The following APP variants were observed in gnomAD, a reference collection of about 807,000 sequenced individuals.
APP encodes amyloid beta precursor protein, also known as amyloid-beta precursor protein.
APP carries 31 observed loss-of-function variants against 101.4 expected under a neutral mutation model. The ratio of observed to expected loss-of-function variants is 0.31; its 90% CI spans 0.23 to 0.41. The LOEUF (loss-of-function observed/expected upper bound fraction) is 0.41. Among genes scored for constraint, APP ranks in the 10% least tolerant of loss-of-function variants. The pLI is 1.00. For missense variants in APP, 839 were observed against 1,003.7 expected, an observed-to-expected ratio of 0.84 and a Z score of 2.22; for synonymous variants, 366 against 364.4, an observed-to-expected ratio of 1.00 and a Z score of -0.05.
At chr21:26,131,598 C>A (rs762935320) in intron 1 of APP, among the ~76,000 whole-genome samples, 2 of 152,108 alleles carry the variant, frequency 1.3e-5, no homozygotes, top group East Asian at 3.8e-4. Context: ...GCATTGATAG[C>A]CAAATGACCA....
chr21:26,154,296 T>C (rs545541652), intron 1 of APP, among the ~76,000 whole-genome samples: 1 of 152,276 alleles, frequency 6.6e-6, no homozygotes, highest in East Asian at 1.9e-4. Context: ...CAATAAAATG[T>C]GTAAGGTAAT....
intron 1 of APP, among the ~76,000 whole-genome samples, chr21:26,128,249 ACTAT>A (rs941896421): frequency 1.3e-5 from 2 of 152,150 alleles, no homozygotes; most frequent in Non-Finnish European, 2.9e-5. Flanking sequence ...GTATTTTTAA[ACTAT>A]CTAAGATATT....
chr21:26,150,353 G>A (rs2063239542), intron 1 of APP, among the ~76,000 whole-genome samples: 1 of 152,162 alleles, frequency 6.6e-6, no homozygotes, highest in East Asian at 1.9e-4. Flanking sequence ...GGGATGGAGA[G>A]GGGAAGGAGG....
chr21:25,900,264 G>A (rs998555688), intron 15 of APP, among the ~76,000 whole-genome samples: 6 of 151,830 alleles, frequency 4.0e-5, no homozygotes, highest in Non-Finnish European at 5.9e-5. Flanking sequence ...CAAGCACGGT[G>A]GCTCACGCCT....
In APP at chr21:26,084,025, G is replaced by A. The variant is rs973026807; in HGVS notation, c.355+5918C>T. 5.3e-5 allele frequency among the ~76,000 whole-genome samples: 8 copies of A among 152,084 alleles called. No homozygotes were observed. The East Asian group carries it at 1.2e-3, about 22-fold the overall frequency. On this transcript the variant is annotated intron_variant, in intron 3 of 17. Transcript: ENST00000346798. ...AATGAAAAGAAACAAAACTGGAAAC[G>A]GAGCCAAGAAACACCACTACGCTTC... is the stretch of plus-strand genomic sequence containing the variant.
At chr21:25,996,235 T>C (rs889765246) in intron 8 of APP, among the ~76,000 whole-genome samples, 7 of 152,212 alleles carry the variant, frequency 4.6e-5, no homozygotes, top group African/African-American at 1.7e-4. Context: ...GGAGGCTCTT[T>C]CTCTACTTCC....
intron 3 of APP, chr21:26,089,490 T>C (rs913847799): frequency 1.3e-5 from 2 of 150,618 alleles, no homozygotes; most frequent in Admixed American, 6.7e-5. Context: ...GGAGTAGTTA[T>C]TGTAGAACAG....
chr21:25,926,317 G>C (rs1168203264), intron 13 of APP, among the ~76,000 whole-genome samples: 1 of 152,202 alleles, frequency 6.6e-6, no homozygotes, highest in African/African-American at 2.4e-5. Context: ...ATATACTAAA[G>C]AAGCATGGAC....
intron 3 of APP, chr21:26,068,278 G>C (rs2046537704): frequency 1.3e-5 from 2 of 151,838 alleles, no homozygotes; most frequent in Admixed American, 6.6e-5. Flanking sequence ...CCAACAATCT[G>C]CAACTCTTCT....
At chr21:26,032,523 A>C (rs573055663) in intron 5 of APP, among the ~76,000 whole-genome samples, 1 of 152,302 alleles carries the variant, frequency 6.6e-6, no homozygotes, top group South Asian at 2.1e-4. Context: ...CATGTCACTT[A>C]GGCTGCTGTG....
intron 3 of APP, among the ~76,000 whole-genome samples, chr21:26,057,973 G>A (rs544541913): frequency 2.6e-5 from 4 of 152,262 alleles, no homozygotes; most frequent in South Asian, 4.1e-4. Flanking sequence ...TGCAGTCAGC[G>A]GCAGAGAATA....
At chr21:26,130,978 C>A (rs553603661) in intron 1 of APP, among the ~76,000 whole-genome samples, 16 of 152,240 alleles carry the variant, frequency 1.1e-4, no homozygotes, top group Admixed American at 5.2e-4. Context: ...GCCTGTAATC[C>A]CAGCACTTTG....
intron 9 of APP, among the ~76,000 whole-genome samples, chr21:25,976,397 T>C (rs757835144): frequency 6.6e-6 from 1 of 152,208 alleles, no homozygotes; most frequent in African/African-American, 2.4e-5. Context: ...CACCTAAGTT[T>C]TACTCTCTTA....
chr21:26,119,221 T>C (rs1039398271), intron 1 of APP, among the ~76,000 whole-genome samples: 1 of 152,232 alleles, frequency 6.6e-6, no homozygotes, highest in Non-Finnish European at 1.5e-5. Context: ...CTTTTTTAAT[T>C]CTTCAATCTT....
intron 17 of APP, among the ~76,000 whole-genome samples, chr21:25,885,774 C>T (rs972407798): frequency 1.3e-5 from 2 of 152,130 alleles, no homozygotes; most frequent in Non-Finnish European, 2.9e-5. Context: ...TTTGGCTAAC[C>T]TCCATACCCC....
At chr21:25,924,862 C>T (rs1248082135) in intron 13 of APP, among the ~76,000 whole-genome samples, 1 of 151,244 alleles carries the variant, frequency 6.6e-6, no homozygotes, top group African/African-American at 2.4e-5. Context: ...TGTCTAGGAT[C>T]GAACCTCCAC....
At chr21:26,032,538 G>C (rs565097266) in intron 5 of APP, among the ~76,000 whole-genome samples, 2 of 152,124 alleles carry the variant, frequency 1.3e-5, no homozygotes, top group African/African-American at 4.8e-5. Flanking sequence ...GCTGTGACTT[G>C]GTTTCCTCAT....
At chr21:26,168,325 C>T (rs2063662004) in intron 1 of APP, among the ~76,000 whole-genome samples, 1 of 152,186 alleles carries the variant, frequency 6.6e-6, no homozygotes, top group South Asian at 2.1e-4. Context: ...CTCGTAATTA[C>T]ATCTTTTCAG....
chr21:25,955,865 G>A, intron 11 of APP, 110 bp from the exon 12 acceptor site: 1 of 1,479,542 alleles, frequency 6.8e-7, no homozygotes, highest in African/African-American at 1.4e-5. Context: ...TGAACGTACT[G>A]TGAGTCACCT....
Sources: gnomAD v4.1 joint callset for allele counts (sites outside exome capture counted in the v4.1 genomes callset) on GRCh38, gnomAD v4.1.1 for gene constraint, MANE v1.5 for transcripts, NCBI Gene and HGNC (gene_info 2026-07-23, HGNC 2026-07-21) for gene names.